The following LRRC4 variants were observed in gnomAD, a reference collection of about 807,000 sequenced individuals.
The protein encoded by LRRC4 is leucine-rich repeat-containing protein 4.
LRRC4 carries 11 observed loss-of-function variants against 37.9 expected under a neutral mutation model. That is an observed-to-expected ratio of 0.29 (90% CI 0.18 to 0.48). The LOEUF is 0.48. Among genes scored for constraint, LRRC4 ranks in the 20% least tolerant of loss-of-function variants. LRRC4 has a pLI of 0.99. For synonymous variants in LRRC4, 404 were observed against 346.7 expected (o/e 1.17, Z -1.84); for missense variants, 717 against 842.1 (o/e 0.85, Z 1.84).
At chr7:128,031,917 G>A (rs1261583912), upstream of LRRC4, 1 of 151,228 alleles carries the variant, frequency 6.6e-6, no homozygotes, top group Non-Finnish European at 1.5e-5. Context: ...GAGCAGCGGG[G>A]GTCGCGGCTG....
Position 128,029,140 on chromosome 7 carries a change from G to T in LRRC4, c.1501C>A (p.Pro501Thr). ...GTCGCGGGTACTGCCACCTGCTTGGGCACACGGGTAGTCTGAATGAGCACC... is the reference window on the plus strand; with the variant it reads ...GTCGCGGGTACTGCCACCTGCTTGGTCACACGGGTAGTCTGAATGAGCACC... ...TTVLIQTTRV[P>T]KQVAVPATDT... Residue 501 changes from proline (P) to threonine (T), a missense_variant, in exon 2 of 2, where the codon CCC becomes ACC. This residue lies in a region of LRRC4 where 293 missense variants were observed against 268.3 expected (regional missense o/e 1.09). Transcript: ENST00000249363. The surrounding 1 kb of genome is among the most constrained non-coding windows in gnomAD (Gnocchi z 4.2). 4 of 1,614,128 alleles carry T rather than the reference G, an allele frequency of 2.5e-6. No individual in the cohort carries two copies. Among genetic ancestry groups the T allele is most frequent in the Middle Eastern group, 1.6e-4 (1 of 6,062 alleles).
chr7:128,031,882 C>G (rs1435298153), upstream of LRRC4: 1 of 150,818 alleles, frequency 6.6e-6, no homozygotes, highest in Non-Finnish European at 1.5e-5. Context: ...GTGGCCGCGC[C>G]GCCAGCGGAC....
rs1489665296 is a variant in LRRC4 at position 128,030,203 on chromosome 7, C to G, written c.438G>C (p.Leu146=). The G allele has an allele frequency of 3.7e-6, 6 of 1,614,244 alleles. No homozygotes were observed. The Admixed American group carries it at 6.7e-5, about 18-fold the overall frequency. The change falls in exon 2 of 2, where the codon CTG becomes CTC. Residue 146 remains leucine, a synonymous_variant. Transcript: ENST00000249363. ...TVIPSGAFEY[L]SKLRELWLRN... ...GAAGCCAGAGCTCCCGCAGCTTGGA[C>G]AGGTATTCAAAGGCCCCGCTAGGGA...
chr7:128,028,528 C>T lies in LRRC4; in HGVS notation c.*151G>A, dbSNP rs964467136. On this transcript the variant is annotated 3_prime_UTR_variant, in exon 2 of 2. Transcript: ENST00000249363. ...AAATATTTTTGTTTTGACTTTTTGT[C>T]TTTAAATTTTAATATAATCTGTTTT... 1.2e-5 allele frequency: 8 copies of T among 670,270 alleles called. No homozygotes were observed. The highest frequency in any genetic ancestry group is 1.1e-4 in the African/African-American group (6 of 53,276). The allele number at this position is 670,270 out of a possible 1,614,324, so 41.5% of individuals were successfully genotyped here. A position where few individuals can be genotyped will look rare whatever the true frequency, so the allele number is the denominator to read the frequency against.
In LRRC4 at chr7:128,030,557, C is replaced by A. The variant is rs771954950; in HGVS notation, c.84G>T (p.Val28=). ...CAGCGATGGCTGCACACAGAATCCA[C>A]ACTTGCGCCGTGAGGTAGACGAACG... ...LLPFVYLTAQ[V]WILCAAIAAA... Residue 28 remains valine, a synonymous_variant, in exon 2 of 2, where the codon GTG becomes GTT. Transcript: ENST00000249363. 9.9e-6 allele frequency: 16 copies of A among 1,612,522 alleles called. No individual in the cohort carries two copies. In the Admixed American group the frequency reaches 2.7e-4, roughly 27 times the overall value.
At position 128,027,810 on chromosome 7, in the gene LRRC4, C is replaced by G. The variant is rs567096978; in HGVS notation, c.*869G>C. 6.6e-6 allele frequency: 1 copy of G among 152,336 alleles called. No individual in the cohort carries two copies. Among genetic ancestry groups the G allele is most frequent in the East Asian group, 1.9e-4 (1 of 5,184 alleles). 9.4% of individuals were successfully genotyped at this position (152,336 alleles called of 1,614,324 possible). A position where few individuals can be genotyped will look rare whatever the true frequency, so the allele number is the denominator to read the frequency against. On this transcript the variant is annotated 3_prime_UTR_variant, in exon 2 of 2. Transcript: ENST00000249363. Reference sequence around the variant, plus strand: ...CTCTGCTTTACCCTCCCTTCCCACCCCCCTGCTGCCGCACCCCTTCAGGGG... The same window carrying G: ...CTCTGCTTTACCCTCCCTTCCCACCGCCCTGCTGCCGCACCCCTTCAGGGG...
In LRRC4 at chr7:128,028,320, C is replaced by T. The variant is rs1175543435; in HGVS notation, c.*359G>A. The T allele has an allele frequency of 1.1e-5, 2 of 188,426 alleles. No individual in the cohort carries two copies. Among genetic ancestry groups the T allele is most frequent in the Admixed American group, 1.1e-4 (2 of 18,548 alleles). The allele number at this position is 188,426 out of a possible 1,614,324, so 11.7% of individuals were successfully genotyped here. A position where few individuals can be genotyped will look rare whatever the true frequency, so the allele number is the denominator to read the frequency against. ...ACAGATTCAGTCTATCCCTCTTGCC[C>T]CCTCAGCAGCCCACACCCTACCTCT... On this transcript the variant is annotated 3_prime_UTR_variant, in exon 2 of 2. Coordinates refer to ENST00000249363, the MANE Select transcript of LRRC4 (RefSeq NM_022143.5).
Position 128,028,659 on chromosome 7 carries a change from A to G in LRRC4, c.*20T>C. The G allele has an allele frequency of 6.3e-7, 1 of 1,592,984 alleles. No individual in the cohort carries two copies. Among genetic ancestry groups the G allele is most frequent in the Non-Finnish European group, 8.6e-7 (1 of 1,169,332 alleles). On this transcript the variant is annotated 3_prime_UTR_variant, in exon 2 of 2. Coordinates refer to ENST00000249363, the MANE Select transcript of LRRC4 (RefSeq NM_022143.5). ...TGTGTGCATTCTATTGCATTTTATA[A>G]GTTTTTTGGGGGAGGGGAGTCATAT...
In LRRC4 at chr7:128,028,584, G is replaced by T; in HGVS notation, c.*95C>A. On this transcript the variant is annotated 3_prime_UTR_variant, in exon 2 of 2. Transcript: ENST00000249363. The stretch of plus-strand genomic sequence containing the variant: ...ACCAGCCCATAGACTTAATATATAA[G>T]CATATACAAGAAAAAGTCTCTCCCC... 2.6e-6 allele frequency: 3 copies of T among 1,134,456 alleles called. No individual in the cohort carries two copies. Among genetic ancestry groups the T allele is most frequent in the Non-Finnish European group, 3.8e-6 (3 of 789,608 alleles). 70.3% of individuals were successfully genotyped at this position (1,134,456 alleles called of 1,614,324 possible).
Position 128,029,067 on chromosome 7 carries a change from G to C in LRRC4, c.1574C>G (p.Thr525Ser). ...AAAGCAGCCAATGATGATCTTGGTGGTCTTCATGACTTCATCCAGGCTGGT... is the reference window on the plus strand; with the variant it reads ...AAAGCAGCCAATGATGATCTTGGTGCTCTTCATGACTTCATCCAGGCTGGT... The part of the protein sequence containing the change: ...MQTSLDEVMK[T>S]TKIIIGCFVA... Residue 525 changes from threonine (T) to serine (S), a missense_variant, in exon 2 of 2, where the codon ACC becomes AGC. Physicochemically the swap from Thr to Ser is moderately conservative, Grantham distance 58. Around this residue, in one of 5 missense-constraint regions of LRRC4, gnomAD observed 19 missense variants for 40.7 expected, o/e 0.47. Coordinates refer to ENST00000249363, the MANE Select transcript of LRRC4 (RefSeq NM_022143.5). This position sits in a 1 kb window ranked among gnomAD's most constrained non-coding sequence, Gnocchi z 4.2. 6.2e-7 allele frequency: 1 copy of C among 1,614,152 alleles called. No individual in the cohort carries two copies. Among genetic ancestry groups the C allele is most frequent in the South Asian group, 1.1e-5 (1 of 91,086 alleles).
Position 128,028,450 on chromosome 7 carries a change from C to G in LRRC4, c.*229G>C, listed in dbSNP as rs1021311030. 2.4e-5 allele frequency: 11 copies of G among 459,474 alleles called. No homozygotes were observed. The Admixed American group carries it at 3.9e-4, about 16-fold the overall frequency. The allele number at this position is 459,474 out of a possible 1,614,324, so 28.5% of individuals were successfully genotyped here. ...AAGTTAACTTGTGGCTTGTACCCCACAACGTTCCCAAGATTCCCCCCCACC... is the reference window on the plus strand; with the variant it reads ...AAGTTAACTTGTGGCTTGTACCCCAGAACGTTCCCAAGATTCCCCCCCACC... On this transcript the variant is annotated 3_prime_UTR_variant, in exon 2 of 2. Coordinates refer to ENST00000249363, the MANE Select transcript of LRRC4 (RefSeq NM_022143.5).
At chr7:128,030,764 G>A (rs1792565566) in intron 1 of LRRC4, 24 bp from the exon 2 acceptor site, 1 of 1,261,796 alleles carries the variant, frequency 7.9e-7, no homozygotes, top group Middle Eastern at 2.2e-4. Flanking sequence ...TGGGGAGGGG[G>A]CGATTAGAGA....
Position 128,029,620 on chromosome 7 carries a change from C to G in LRRC4, c.1021G>C (p.Val341Leu). The G allele has an allele frequency of 6.2e-7, 1 of 1,613,998 alleles. No homozygotes were observed. The highest frequency in any genetic ancestry group is 8.5e-7 in the Non-Finnish European group (1 of 1,180,004). ...TGGAAGGAGGCCTGGTCCACCTCCA[C>G]GAGGTAGCGGCCTCGCATGTGCATG... ...APMHMRGRYL[V>L]EVDQASFQCS... The change falls in exon 2 of 2, where the codon GTG becomes CTG. Residue 341 changes from valine to leucine, a missense_variant. Transcript: ENST00000249363. This position sits in a 1 kb window ranked among gnomAD's most constrained non-coding sequence, Gnocchi z 4.2.
Position 128,028,520 on chromosome 7 carries a change from C to A in LRRC4, c.*159G>T. On this transcript the variant is annotated 3_prime_UTR_variant, in exon 2 of 2. Coordinates refer to ENST00000249363, the MANE Select transcript of LRRC4 (RefSeq NM_022143.5). ...AAGTTAGAAAATATTTTTGTTTTGA[C>A]TTTTTGTCTTTAAATTTTAATATAA... 13 of 658,864 alleles carry A rather than the reference C, an allele frequency of 2.0e-5. No homozygotes were observed. The highest frequency in any genetic ancestry group is 2.8e-5 in the South Asian group (1 of 35,092). The allele number at this position is 658,864 out of a possible 1,614,324, so 40.8% of individuals were successfully genotyped here.
In LRRC4 at chr7:128,029,090, G is replaced by C. The variant is rs1290299529; in HGVS notation, c.1551C>G (p.Thr517=). 1 of 1,614,014 alleles carries C rather than the reference G, an allele frequency of 6.2e-7. No homozygotes were observed. The highest frequency in any genetic ancestry group is 8.5e-7 in the Non-Finnish European group (1 of 1,180,028). Residue 517 remains threonine (T), a synonymous_variant, in exon 2 of 2, where the codon ACC becomes ACG. Transcript: ENST00000249363. This position sits in a 1 kb window ranked among gnomAD's most constrained non-coding sequence, Gnocchi z 4.2. ...PATDTTDKMQ[T]SLDEVMKTTK... ...TGGTCTTCATGACTTCATCCAGGCT[G>C]GTCTGCATCTTGTCAGTGGTGTCTG... is the stretch of plus-strand genomic sequence containing the variant.
Position 128,030,941 on chromosome 7 carries a change from G to A in LRRC4, c.-129C>T, listed in dbSNP as rs1253768645. On this transcript the variant is annotated 5_prime_UTR_variant, in exon 1 of 2. In the 5' UTR this introduces an upstream ATG that the reference lacks. Transcript: ENST00000249363. ...GGAAGGAAGGCAGGAAAGCACTGGC[G>A]TGGTGTCCTTAAGCTTTCTCCACGG... 1 of 289,346 alleles carries A rather than the reference G, an allele frequency of 3.5e-6. No homozygotes were observed. Among genetic ancestry groups the A allele is most frequent in the East Asian group, 6.1e-5 (1 of 16,492 alleles). 17.9% of individuals were successfully genotyped at this position (289,346 alleles called of 1,614,324 possible). A position where few individuals can be genotyped will look rare whatever the true frequency, so the allele number is the denominator to read the frequency against.
In LRRC4 at chr7:128,030,519, G is replaced by A. The variant is rs568669920; in HGVS notation, c.122C>T (p.Ala41Val). 8.1e-6 allele frequency: 13 copies of A among 1,613,102 alleles called. No individual in the cohort carries two copies. The Middle Eastern group carries it at 4.9e-4, about 61-fold the overall frequency. ...LCAAIAAAAS[A>V]GPQNCPSVCS... is the part of the protein sequence containing the mutation. ...GACGGAGGGGCAGTTCTGGGGCCCG[G>A]CTGAGGCGGCAGCAGCGATGGCTGC... Residue 41 changes from alanine to valine, a missense_variant, in exon 2 of 2, where the codon GCC (alanine) becomes GTC (valine). Physicochemically the swap from Ala to Val is moderately conservative, Grantham distance 64. Coordinates refer to ENST00000249363, the MANE Select transcript of LRRC4 (RefSeq NM_022143.5).
At chr7:128,030,782 C>G (rs1261080189) in intron 1 of LRRC4, 42 bp from the exon 2 acceptor site, 2 of 1,075,970 alleles carry the variant, frequency 1.9e-6, no homozygotes, top group East Asian at 2.8e-5. Context: ...AGAGACGGAG[C>G]GGATCGGCCG....
chr7:128,032,123 T>C (rs1346241325), upstream of LRRC4: 1 of 151,894 alleles, frequency 6.6e-6, no homozygotes, highest in East Asian at 2.0e-4. Context: ...TGACGCATAC[T>C]GTTCTGGGAG....
Sources: gnomAD v4.1 joint callset for allele counts on GRCh38, gnomAD v4.1.1 for gene constraint, gnomAD v4.1.1 regional missense constraint, Gnocchi (gnomAD v3.1) non-coding constraint, MANE v1.5 for transcripts, NCBI Gene and HGNC (gene_info 2026-07-23, HGNC 2026-07-21) for gene names.